Variants in CNGB3 observed in about 807,000 individuals in gnomAD.
The protein encoded by CNGB3 is cyclic nucleotide gated channel subunit beta 3, also known as cyclic nucleotide-gated channel beta-3.
CNGB3 carries 86 observed loss-of-function variants against 92.8 expected under a neutral mutation model. The observed-to-expected ratio is 0.93, with a 90% CI of 0.78 to 1.11. CNGB3 has a LOEUF of 1.11. Ranked by LOEUF, CNGB3 falls within the 50% of genes least tolerant of loss-of-function variation. The probability of loss-of-function intolerance (pLI) is 0.00; values close to 1 mark genes in which losing one functional copy is unlikely to be tolerated. For synonymous variants in CNGB3, 333 were observed against 332.7 expected (o/e 1.00, Z -0.01); for missense variants, 1,026 against 956.8 (o/e 1.07, Z -0.95).
chr8:86,639,342 A>T (rs13256447), intron 10 of CNGB3, among the ~76,000 whole-genome samples: 9 of 152,052 alleles, frequency 5.9e-5, no homozygotes, highest in Admixed American at 3.9e-4. Context: ...TTTGAACTAA[A>T]TATTTGCATT....
chr8:86,699,138 G>A (rs1223621170), intron 3 of CNGB3, among the ~76,000 whole-genome samples: 3 of 152,174 alleles, frequency 2.0e-5, no homozygotes, highest in South Asian at 2.1e-4. Context: ...GTAAAGTTAC[G>A]CCCACAACTG....
At chr8:86,629,395 T>C (rs1316952842) in intron 11 of CNGB3, among the ~76,000 whole-genome samples, 1 of 152,204 alleles carries the variant, frequency 6.6e-6, no homozygotes, top group African/African-American at 2.4e-5. Flanking sequence ...ATGTAATGCA[T>C]AGGACTACAC....
rs560189961 is a variant in CNGB3, at chr8:86,612,438, A to T, written c.1579-767T>A. Among the ~76,000 whole-genome samples the T allele has an allele frequency of 2.0e-5, 3 of 152,328 alleles. No individual in the cohort carries two copies. The East Asian group carries it at 5.8e-4, about 29-fold the overall frequency. On this transcript the variant is annotated intron_variant, in intron 13 of 17. Coordinates refer to ENST00000320005, the MANE Select transcript of CNGB3 (RefSeq NM_019098.5). ...TTTCTCTCAGAGCTGCTAACATGTA[A>T]CAGCTTTCCTCTTGTGGGTGGTCCT... is the stretch of plus-strand genomic sequence containing the variant.
intron 10 of CNGB3, among the ~76,000 whole-genome samples, chr8:86,634,481 A>G (rs917518725): frequency 7.9e-5 from 12 of 152,166 alleles, no homozygotes; most frequent in Non-Finnish European, 1.5e-4. Context: ...ATCTGTATAT[A>G]TATTTCATAA....
chr8:86,736,975 C>T (rs1157427337), intron 2 of CNGB3, among the ~76,000 whole-genome samples: 7 of 152,218 alleles, frequency 4.6e-5, no homozygotes, highest in Middle Eastern at 3.4e-3. Context: ...ATTGCATTCA[C>T]GTTGAAAAAT....
intron 7 of CNGB3, among the ~76,000 whole-genome samples, chr8:86,650,060 A>C (rs899364227): frequency 6.6e-6 from 1 of 151,396 alleles, no homozygotes; most frequent in Non-Finnish European, 1.5e-5. Context: ...CCCCGCCCAA[A>C]TTGCATCATA....
At chr8:86,577,963 G>T (rs887592948) in intron 17 of CNGB3, among the ~76,000 whole-genome samples, 1 of 152,150 alleles carries the variant, frequency 6.6e-6, no homozygotes, top group Admixed American at 6.5e-5. Context: ...AGGCTGGAGT[G>T]CAGTGTTGTG....
chr8:86,708,563 ATTTT>A (rs10714055), intron 3 of CNGB3, among the ~76,000 whole-genome samples: 60 of 85,896 alleles, frequency 7.0e-4, no homozygotes, highest in African/African-American at 2.1e-3. Context: ...TCTTTTCTTA[ATTTT>A]TTTTTTTTTT....
intron 1 of CNGB3, among the ~76,000 whole-genome samples, chr8:86,741,674 C>CAA (rs879572645): frequency 4.2e-5 from 6 of 143,346 alleles, no homozygotes; most frequent in South Asian, 4.5e-4. Context: ...TCAAAAAAAA[C>CAA]AAAAAAAAAA....
At chr8:86,716,482 A>G (rs906586875) in intron 3 of CNGB3, among the ~76,000 whole-genome samples, 1 of 152,222 alleles carries the variant, frequency 6.6e-6, no homozygotes, top group African/African-American at 2.4e-5. Context: ...AACATCAAGT[A>G]ACTTATAAAG....
Position 86,611,651 on chromosome 8 carries a change from A to G in CNGB3, c.1599T>C (p.Ile533=). ...ATTTCAATCTTAGCAACATGTCATA[A>G]ATCATCTGTGTATCACAACCCTATA... The part of the protein sequence containing the change: ...DLFKGCDTQM[I]YDMLLRLKSV... Residue 533 remains isoleucine, a synonymous_variant, in exon 14 of 18, where the codon ATT becomes ATC. Transcript: ENST00000320005. 6.2e-7 allele frequency: 1 copy of G among 1,613,070 alleles called. No homozygotes were observed. Among genetic ancestry groups the G allele is most frequent in the Non-Finnish European group, 8.5e-7 (1 of 1,179,196 alleles).
intron 6 of CNGB3, chr8:86,657,597 C>A (rs913555835): frequency 7.2e-6 from 3 of 414,830 alleles, no homozygotes; most frequent in Non-Finnish European, 1.5e-5. Flanking sequence ...CAAAGATCAC[C>A]CTGTTTGTTG....
At chr8:86,650,989 G>T (rs984676047) in intron 7 of CNGB3, among the ~76,000 whole-genome samples, 3 of 151,668 alleles carry the variant, frequency 2.0e-5, no homozygotes, top group African/African-American at 4.8e-5. Context: ...GACATAAAAA[G>T]GAATCAATGT....
intron 4 of CNGB3, among the ~76,000 whole-genome samples, chr8:86,670,475 A>G (rs924999323): frequency 1.4e-4 from 22 of 152,112 alleles, no homozygotes; most frequent in African/African-American, 1.9e-4. Context: ...AGCACCAACC[A>G]GTTTCCTCCT....
chr8:86,723,239 G>A (rs1033211216), intron 3 of CNGB3, among the ~76,000 whole-genome samples: 4 of 152,014 alleles, frequency 2.6e-5, no homozygotes, highest in Non-Finnish European at 5.9e-5. Flanking sequence ...CAAGGCTTAC[G>A]TGAGAAGATA....
chr8:86,578,956 GT>G (rs934631602), intron 16 of CNGB3, 93 bp from the exon 17 acceptor site: 144 of 1,551,496 alleles, frequency 9.3e-5, no homozygotes, highest in Admixed American at 8.4e-5. Flanking sequence ...AACCTGTGTA[GT>G]TTCAATGGGT....
chr8:86,640,551 C>T (rs75045744), intron 10 of CNGB3, among the ~76,000 whole-genome samples: 1,702 of 152,160 alleles, frequency 0.011, 33 homozygotes, highest in African/African-American at 0.039. Flanking sequence ...TTTTTGTTCT[C>T]TGTTTCTGCT....
At chr8:86,624,189 G>A (rs886262926) in intron 13 of CNGB3, among the ~76,000 whole-genome samples, 1 of 152,036 alleles carries the variant, frequency 6.6e-6, no homozygotes, top group Non-Finnish European at 1.5e-5. Flanking sequence ...GAGGCTGAGG[G>A]GGGCAGATCA....
chr8:86,692,866 T>G (rs954358531), intron 3 of CNGB3, among the ~76,000 whole-genome samples: 5 of 152,288 alleles, frequency 3.3e-5, no homozygotes, highest in Admixed American at 3.3e-4. Flanking sequence ...TGGTGTATTT[T>G]GAGGTTTTGT....
Sources: allele counts gnomAD v4.1 joint callset (sites outside exome capture counted in the v4.1 genomes callset), GRCh38; gene constraint gnomAD v4.1.1; transcripts MANE v1.5; gene names NCBI Gene and HGNC (gene_info 2026-07-23, HGNC 2026-07-21).